NRG3: variants seen among roughly 807,000 people sequenced by gnomAD.
The protein encoded by NRG3 is pro-neuregulin-3, membrane-bound isoform.
Under a neutral mutation model 66.9 loss-of-function variants are expected in NRG3, and 31 were observed. That is an observed-to-expected ratio of 0.46 (90% CI 0.35 to 0.63). The LOEUF (loss-of-function observed/expected upper bound fraction) is 0.63, where lower values mean the gene tolerates loss of function less well. Ranked by LOEUF, NRG3 falls within the 20% of genes least tolerant of loss-of-function variation. The pLI is 0.00. For synonymous variants in NRG3, 393 were observed against 359.4 expected (o/e 1.09, Z -1.06); for missense variants, 910 against 878.9 (o/e 1.04, Z -0.45).
intron 3 of NRG3, among the ~76,000 whole-genome samples, chr10:82,815,006 T>C (rs991651670): frequency 2.0e-5 from 3 of 152,204 alleles, no homozygotes; most frequent in African/African-American, 7.2e-5. Context: ...AAACCCACCA[T>C]GCTGATCTGC....
chr10:82,858,027 G>T (rs1306780905), intron 3 of NRG3, among the ~76,000 whole-genome samples: 1 of 152,112 alleles, frequency 6.6e-6, no homozygotes, highest in Admixed American at 6.5e-5. Context: ...AGTTCCCTGT[G>T]CTCCTTTCCC....
intron 1 of NRG3, among the ~76,000 whole-genome samples, chr10:82,031,112 G>A (rs11192221): frequency 0.14 from 20,886 of 152,144 alleles, 1,805 homozygotes; most frequent in East Asian, 0.28. Flanking sequence ...ACATTTTACA[G>A]TACCTGTCAT....
intron 1 of NRG3, among the ~76,000 whole-genome samples, chr10:82,036,397 C>G (rs937897403): frequency 2.6e-5 from 4 of 152,072 alleles, no homozygotes; most frequent in African/African-American, 9.7e-5. Flanking sequence ...TCCTAACAAC[C>G]CTGCTAGGCA....
At chr10:82,721,048 G>A (rs1207917469) in intron 2 of NRG3, among the ~76,000 whole-genome samples, 1 of 147,362 alleles carries the variant, frequency 6.8e-6, no homozygotes, top group East Asian at 2.0e-4. Context: ...CTTGTTCCAG[G>A]TTGCATTTTG....
intron 4 of NRG3, among the ~76,000 whole-genome samples, chr10:82,888,583 G>A (rs1387794502): frequency 6.6e-6 from 1 of 152,060 alleles, no homozygotes; most frequent in African/African-American, 2.4e-5. Flanking sequence ...TAACAAAAGC[G>A]TATGAGCACT....
At chr10:82,629,452 T>C (rs1042097549) in intron 2 of NRG3, among the ~76,000 whole-genome samples, 22 of 152,234 alleles carry the variant, frequency 1.4e-4, no homozygotes, top group African/African-American at 4.8e-4. Context: ...GTGGATACCA[T>C]TCTGGTCGGT....
intron 1 of NRG3, among the ~76,000 whole-genome samples, chr10:82,089,351 G>A (rs1011621042): frequency 7.9e-5 from 12 of 152,178 alleles, no homozygotes; most frequent in African/African-American, 2.6e-4. Flanking sequence ...TCACTTGAGC[G>A]TTCTTATTGA....
intron 1 of NRG3, among the ~76,000 whole-genome samples, chr10:82,139,956 T>C (rs770487192): frequency 6.6e-6 from 1 of 152,164 alleles, no homozygotes; most frequent in Admixed American, 6.6e-5. Context: ...AGATTTTAGC[T>C]GCCATTTTTG....
chr10:82,086,681 T>TAAA (rs2065746932), intron 1 of NRG3, among the ~76,000 whole-genome samples: 1 of 152,104 alleles, frequency 6.6e-6, no homozygotes, highest in African/African-American at 2.4e-5. Context: ...GCTTCCTGGT[T>TAAA]CTGTGAATTA....
At chr10:82,898,038 G>A (rs61858782) in intron 4 of NRG3, among the ~76,000 whole-genome samples, 103 of 152,248 alleles carry the variant, frequency 6.8e-4, no homozygotes, top group Non-Finnish European at 1.3e-3. Context: ...CCTCAATCTT[G>A]TGCAGCAGAC....
intron 4 of NRG3, among the ~76,000 whole-genome samples, chr10:82,883,644 C>T (rs1397524237): frequency 6.6e-6 from 1 of 152,090 alleles, no homozygotes; most frequent in African/African-American, 2.4e-5. Context: ...AGATAATTAT[C>T]TTGGCTTCTC....
chr10:82,694,745 C>A (rs2055236253), intron 2 of NRG3, among the ~76,000 whole-genome samples: 1 of 152,040 alleles, frequency 6.6e-6, no homozygotes, highest in Non-Finnish European at 1.5e-5. Context: ...CAGAGTTTAA[C>A]CCTGTCTCTA....
intron 1 of NRG3, among the ~76,000 whole-genome samples, chr10:82,163,386 CAT>C (rs1358425363): frequency 6.6e-6 from 1 of 151,978 alleles, no homozygotes; most frequent in African/African-American, 2.4e-5. Flanking sequence ...ATTTATCAGT[CAT>C]ATAAAATTTG....
intron 2 of NRG3, among the ~76,000 whole-genome samples, chr10:82,540,576 A>T (rs1240785603): frequency 6.6e-6 from 1 of 151,824 alleles, no homozygotes; most frequent in Admixed American, 6.6e-5. Flanking sequence ...TGCAGCCTGG[A>T]GTGTTGGAGC....
At chr10:81,954,077 A>G (rs1336864762) in intron 1 of NRG3, among the ~76,000 whole-genome samples, 1 of 152,196 alleles carries the variant, frequency 6.6e-6, no homozygotes, top group Non-Finnish European at 1.5e-5. Flanking sequence ...AGGCAGGTAT[A>G]CAAGAGTTGG....
intron 2 of NRG3, among the ~76,000 whole-genome samples, chr10:82,479,629 A>C (rs1842078141): frequency 7.3e-6 from 1 of 136,064 alleles, no homozygotes; most frequent in Admixed American, 8.4e-5. Flanking sequence ...GCGCCATTGC[A>C]CTCCAGCATG....
chr10:82,656,081 G>A (rs922324420), intron 2 of NRG3, among the ~76,000 whole-genome samples: 3 of 152,274 alleles, frequency 2.0e-5, no homozygotes, highest in Admixed American at 2.0e-4. Context: ...CCTCTGGGGA[G>A]AGCATCTAAT....
chr10:82,095,489 A>G (rs1275654459), intron 1 of NRG3, among the ~76,000 whole-genome samples: 2 of 152,164 alleles, frequency 1.3e-5, no homozygotes, highest in Non-Finnish European at 2.9e-5. Flanking sequence ...CATTTCAACA[A>G]TTGCTGATCA....
At chr10:82,402,165 A>G (rs1022786393) in intron 2 of NRG3, among the ~76,000 whole-genome samples, 1 of 152,176 alleles carries the variant, frequency 6.6e-6, no homozygotes, top group Non-Finnish European at 1.5e-5. Flanking sequence ...TAAGAGGCAT[A>G]TCTATTTTAA....
Sources: allele counts gnomAD v4.1 joint callset (sites outside exome capture counted in the v4.1 genomes callset), GRCh38; gene constraint gnomAD v4.1.1; transcripts MANE v1.5; gene names NCBI Gene and HGNC (gene_info 2026-07-23, HGNC 2026-07-21).